Variants in TRPM6 observed in about 807,000 individuals in gnomAD.
TRPM6 encodes transient receptor potential cation channel subfamily M member 6.
In TRPM6, 111 loss-of-function variants were observed where a neutral mutation model predicts 247.6. The observed-to-expected ratio is 0.45, with a 90% CI of 0.38 to 0.52. The LOEUF is 0.52. Among genes scored for constraint, TRPM6 ranks in the 20% least tolerant of loss-of-function variants. TRPM6 has a pLI of 0.00. For missense variants in TRPM6, 2,126 were observed against 2,421.5 expected, an observed-to-expected ratio of 0.88 and a Z score of 2.56; for synonymous variants, 892 against 853.8, an observed-to-expected ratio of 1.04 and a Z score of -0.78.
chr9:74,821,952 C>G (rs1406160669), intron 7 of TRPM6, 115 bp from the exon 8 acceptor site: 3 of 1,178,212 alleles, frequency 2.5e-6, no homozygotes, highest in African/African-American at 3.0e-5. Flanking sequence ...ATTCCTCACA[C>G]TGGCCCCTCT....
chr9:74,859,662 T>C (rs1460056266), intron 1 of TRPM6, among the ~76,000 whole-genome samples: 1 of 151,594 alleles, frequency 6.6e-6, no homozygotes, highest in East Asian at 1.9e-4. Context: ...TAATCCCAGC[T>C]ACTCAGGAGG....
At chr9:74,847,935 C>G (rs1830164001) in intron 3 of TRPM6, among the ~76,000 whole-genome samples, 1 of 152,162 alleles carries the variant, frequency 6.6e-6, no homozygotes, top group Non-Finnish European at 1.5e-5. Context: ...CCCAAAACCG[C>G]AGATAGTACC....
In TRPM6 at chr9:74,728,268, T is replaced by C. The variant is rs1407962743; in HGVS notation, c.5906A>G (p.Asn1969Ser). 8.7e-6 allele frequency: 14 copies of C among 1,614,020 alleles called. No homozygotes were observed. Among genetic ancestry groups the C allele is most frequent in the Non-Finnish European group, 1.0e-5 (12 of 1,179,980 alleles). ...GAGTTTGAGCTTCCGGCAGCAGGAG[T>C]TACAATGATGTTTTGCAATGAAGTT... ...IRNFIAKHHC[N>S]SCCRKLKLPD... is the part of the protein sequence containing the mutation. The change falls in exon 38 of 39, where the codon AAC (asparagine) becomes AGC (serine). Residue 1969 changes from asparagine (N) to serine (S), a missense_variant. Around this residue, in one of 3 missense-constraint regions of TRPM6, gnomAD observed 327 missense variants for 397.7 expected, o/e 0.82. Transcript: ENST00000360774.
At chr9:74,774,972 T>G (rs878922005) in intron 24 of TRPM6, among the ~76,000 whole-genome samples, 1 of 152,224 alleles carries the variant, frequency 6.6e-6, no homozygotes, top group Non-Finnish European at 1.5e-5. Context: ...GATTGCGCAT[T>G]TATGCCCCCT....
intron 7 of TRPM6, among the ~76,000 whole-genome samples, chr9:74,823,241 C>T (rs932297311): frequency 6.6e-6 from 1 of 152,150 alleles, no homozygotes; most frequent in Non-Finnish European, 1.5e-5. Context: ...TCTACAGGGT[C>T]AAGGGTCAAG....
At chr9:74,749,993 G>A (rs1405931691) in intron 30 of TRPM6, among the ~76,000 whole-genome samples, 2 of 152,126 alleles carry the variant, frequency 1.3e-5, no homozygotes, top group East Asian at 3.9e-4. Flanking sequence ...GATGCAACTA[G>A]GAAAGTCCAG....
rs554900535 is a variant in TRPM6, at chr9:74,883,037, C to T, written c.33+4787G>A. On this transcript the variant is annotated intron_variant, in intron 1 of 38. Coordinates refer to ENST00000360774, the MANE Select transcript of TRPM6 (RefSeq NM_017662.5). ...ACTAAACATTTCCCCTCCCCTAGCCCTGCCAACCATAATTCCACTTTTTGT... is the reference window on the plus strand; with the variant it reads ...ACTAAACATTTCCCCTCCCCTAGCCTTGCCAACCATAATTCCACTTTTTGT... Among the ~76,000 whole-genome samples the T allele has an allele frequency of 6.5e-4, 99 of 152,252 alleles. 1 individual carries two copies. Among genetic ancestry groups the T allele is most frequent in the Non-Finnish European group, 1.3e-4 (9 of 68,030 alleles).
intron 1 of TRPM6, among the ~76,000 whole-genome samples, chr9:74,880,062 C>G (rs1048266333): frequency 1.4e-4 from 21 of 151,974 alleles, no homozygotes; most frequent in African/African-American, 5.1e-4. Flanking sequence ...TGGGAAAACT[C>G]CCACACACAT....
intron 18 of TRPM6, among the ~76,000 whole-genome samples, chr9:74,793,071 G>A (rs1282455544): frequency 6.6e-6 from 1 of 152,058 alleles, no homozygotes. Flanking sequence ...CAAAAGAATC[G>A]CTTGAACCCG....
chr9:74,791,974 G>A (rs950392886), intron 19 of TRPM6, among the ~76,000 whole-genome samples: 1 of 152,122 alleles, frequency 6.6e-6, no homozygotes, highest in Non-Finnish European at 1.5e-5. Flanking sequence ...ACCCAGGATG[G>A]TCTCAATCTC....
intron 27 of TRPM6, among the ~76,000 whole-genome samples, chr9:74,758,380 G>A (rs1826505525): frequency 6.6e-6 from 1 of 151,890 alleles, no homozygotes; most frequent in Non-Finnish European, 1.5e-5. Context: ...AAAAACTAAT[G>A]AAAAGTTTAG....
At chr9:74,845,643 C>A (rs1295454969) in intron 3 of TRPM6, among the ~76,000 whole-genome samples, 1 of 151,974 alleles carries the variant, frequency 6.6e-6, no homozygotes, top group Non-Finnish European at 1.5e-5. Flanking sequence ...CCAGCCTGGG[C>A]AACATAGCAA....
chr9:74,744,329 C>A, intron 31 of TRPM6, 184 bp from the exon 32 acceptor site: 1 of 666,708 alleles, frequency 1.5e-6, no homozygotes, highest in South Asian at 1.7e-5. Context: ...AGCTTCCAAT[C>A]ATCAATGTAA....
chr9:74,727,500 T>TTTA, intron 38 of TRPM6, among the ~76,000 whole-genome samples: 1 of 152,150 alleles, frequency 6.6e-6, no homozygotes, highest in Non-Finnish European at 1.5e-5. Context: ...GGTATGATCA[T>TTTA]TTATTATAAG....
rs140835112 is a variant in TRPM6 at position 74,786,017 on chromosome 9, C to T, written c.2776G>A (p.Val926Ile). Residue 926 changes from valine (V) to isoleucine (I), a missense_variant, in exon 21 of 39, where the codon GTC becomes ATC. Physicochemically the swap from Val to Ile is conservative, Grantham distance 29. Transcript: ENST00000360774. Reference protein sequence around the residue: ...VAIGLFSAGFVLRWGDPPFHT... With the variant: ...VAIGLFSAGFILRWGDPPFHT... ...AAAGGAGGGTCACCCCATCGAAGGA[C>T]GAAGCCAGCTGAAAACAGGCCAATG... The T allele has an allele frequency of 2.2e-3, 3,474 of 1,614,178 alleles. 7 individuals carry two copies. Among genetic ancestry groups the T allele is most frequent in the Middle Eastern group, 5.3e-3 (32 of 6,062 alleles).
chr9:74,756,229 A>G (rs1377100453), intron 27 of TRPM6, among the ~76,000 whole-genome samples: 1 of 152,174 alleles, frequency 6.6e-6, no homozygotes. Context: ...AGCCTTTCTT[A>G]TCTCTCCCCT....
At chr9:74,879,326 T>C (rs1028126089) in intron 1 of TRPM6, among the ~76,000 whole-genome samples, 2 of 150,026 alleles carry the variant, frequency 1.3e-5, no homozygotes, top group Admixed American at 6.7e-5. Context: ...ATATATATGA[T>C]TTATATACAT....
intron 1 of TRPM6, 28 bp from the exon 2 acceptor site, chr9:74,858,776 C>A (rs1318533116): frequency 6.5e-7 from 1 of 1,537,298 alleles, no homozygotes; most frequent in Admixed American, 1.7e-5. Context: ...TTATTTTATA[C>A]TCTAATTATG....
At chr9:74,725,078 T>C (rs1055631549) in intron 38 of TRPM6, among the ~76,000 whole-genome samples, 1 of 152,072 alleles carries the variant, frequency 6.6e-6, no homozygotes, top group Non-Finnish European at 1.5e-5. Context: ...TACTACTGAA[T>C]GACAGGCAGA....
Sources: gnomAD v4.1 joint callset for allele counts (sites outside exome capture counted in the v4.1 genomes callset) on GRCh38, gnomAD v4.1.1 for gene constraint, gnomAD v4.1.1 regional missense constraint, MANE v1.5 for transcripts, NCBI Gene and HGNC (gene_info 2026-07-23, HGNC 2026-07-21) for gene names.